THRB: variants seen among roughly 807,000 people sequenced by gnomAD.
THRB encodes nuclear receptor subfamily 1 group A member 2.
A neutral mutation model predicts 47.8 loss-of-function variants in THRB; 12 were observed. That is an observed-to-expected ratio of 0.25 (90% confidence interval 0.16 to 0.41). THRB has a LOEUF of 0.41. Ranked by LOEUF, THRB falls within the 10% of genes least tolerant of loss-of-function variation. The probability of loss-of-function intolerance (pLI) is 1.00; values close to 1 mark genes in which losing one functional copy is unlikely to be tolerated. For synonymous variants in THRB, 218 were observed against 212.2 expected (o/e 1.03, Z -0.24); for missense variants, 348 against 589.2 (o/e 0.59, Z 4.24).
intron 1 of THRB, among the ~76,000 whole-genome samples, chr3:24,379,425 G>C (rs1265214130): frequency 6.6e-6 from 1 of 152,088 alleles, no homozygotes; most frequent in Non-Finnish European, 1.5e-5. Context: ...CATGGAAAAG[G>C]ACCCATGTCT....
intron 5 of THRB, among the ~76,000 whole-genome samples, chr3:24,155,154 T>A (rs767856202): frequency 6.6e-6 from 1 of 152,236 alleles, no homozygotes; most frequent in Admixed American, 6.5e-5. Context: ...TGTTTAAGGT[T>A]CTTGTGGAAT....
In THRB at chr3:24,229,003, T is replaced by C; in HGVS notation, c.-42-2A>G. On this transcript the variant is annotated splice_acceptor_variant, in intron 3 of 10. Transcript: ENST00000646209. LOFTEE classifies it low-confidence loss of function (5UTR_SPLICE). The stretch of plus-strand genomic sequence containing the variant: ...GATCCCTTTTTTCACTGACATCTCC[T>C]ACAAGGAAAAAATACAAAAAAAATC... 1 of 1,534,046 alleles carries C rather than the reference T, an allele frequency of 6.5e-7. No homozygotes were observed. Among genetic ancestry groups the C allele is most frequent in the Non-Finnish European group, 8.9e-7 (1 of 1,123,822 alleles).
chr3:24,404,654 G>A (rs2067680407), intron 1 of THRB, among the ~76,000 whole-genome samples: 1 of 151,498 alleles, frequency 6.6e-6, no homozygotes, highest in Admixed American at 6.6e-5. Flanking sequence ...GTTATTTATG[G>A]CAACATATAA....
chr3:24,129,323 G>A (rs1373786200), intron 9 of THRB, among the ~76,000 whole-genome samples: 2 of 152,064 alleles, frequency 1.3e-5, no homozygotes, highest in Non-Finnish European at 2.9e-5. Context: ...TATGTTGCTG[G>A]TTCACAGATC....
intron 4 of THRB, among the ~76,000 whole-genome samples, chr3:24,200,880 G>T (rs1351907850): frequency 6.6e-6 from 1 of 152,170 alleles, no homozygotes; most frequent in East Asian, 1.9e-4. Context: ...ATATTTTCAG[G>T]TCCACAGAAT....
chr3:24,214,274 A>G (rs2046344914), intron 4 of THRB, among the ~76,000 whole-genome samples: 1 of 152,182 alleles, frequency 6.6e-6, no homozygotes, highest in African/African-American at 2.4e-5. Context: ...AGCTGGAGTC[A>G]AGATGGTATG....
At chr3:24,404,805 C>A (rs536050185) in intron 1 of THRB, among the ~76,000 whole-genome samples, 1 of 151,752 alleles carries the variant, frequency 6.6e-6, no homozygotes, top group African/African-American at 2.4e-5. Flanking sequence ...AGAATAAGAT[C>A]AAATAATTTG....
Position 24,190,124 on chromosome 3 carries a change from T to C in THRB, c.233A>G (p.Gln78Arg), listed in dbSNP as rs1295591047. The change falls in exon 5 of 11, where the codon CAG becomes CGG. Residue 78 changes from glutamine to arginine, a missense_variant. Transcript: ENST00000646209. The stretch of plus-strand genomic sequence containing the variant: ...GAAGGTCTGGGCACTTGAGACACTC[T>C]GGTCGTTCACATCATCATGGTCCAG... ...FHLDHDDVND[Q>R]SVSSAQTFQT... The C allele has an allele frequency of 6.2e-7, 1 of 1,614,000 alleles. No individual in the cohort carries two copies. The highest frequency in any genetic ancestry group is 1.3e-5 in the African/African-American group (1 of 74,918).
chr3:24,308,808 C>T (rs79864147), intron 2 of THRB, among the ~76,000 whole-genome samples: 2,046 of 152,224 alleles, frequency 0.013, 40 homozygotes, highest in African/African-American at 0.045. Flanking sequence ...TTTTCTAGGT[C>T]TTTGAAGTGA....
Position 24,124,459 on chromosome 3 carries a change from T to G in THRB, c.1145-1334A>C, listed in dbSNP as rs72619911. On this transcript the variant is annotated intron_variant, in intron 10 of 10. Transcript: ENST00000646209. ...CAACATATTATTGCTTTGGATGTGT[T>G]CTTTCAAAGGGAAAAATATAATGTG... 3.8e-3 allele frequency among the ~76,000 whole-genome samples: 578 copies of G among 152,304 alleles called. 11 individuals carry two copies. The East Asian group carries it at 0.052, about 14-fold the overall frequency.
At position 24,121,794 on chromosome 3, in the gene THRB, A is replaced by G. The variant is rs2031732544; in HGVS notation, c.*1090T>C. The G allele has an allele frequency of 6.6e-6, 1 of 152,338 alleles. No homozygotes were observed. Among genetic ancestry groups the G allele is most frequent in the Admixed American group, 6.5e-5 (1 of 15,280 alleles). 9.4% of individuals were successfully genotyped at this position (152,338 alleles called of 1,614,324 possible). A position where few individuals can be genotyped will look rare whatever the true frequency, so the allele number is the denominator to read the frequency against. ...GGAGCTTGAGGATCTAACCAGGAGG[A>G]AGCGTCCTCCAGCCATCAGGACACA... On this transcript the variant is annotated 3_prime_UTR_variant, in exon 11 of 11. Transcript: ENST00000646209.
chr3:24,432,519 A>C (rs1211137791), intron 1 of THRB, among the ~76,000 whole-genome samples: 1 of 152,142 alleles, frequency 6.6e-6, no homozygotes, highest in South Asian at 2.1e-4. Context: ...CAATTCTTGG[A>C]AATATATTTT....
intron 2 of THRB, among the ~76,000 whole-genome samples, chr3:24,326,649 C>A (rs541426459): frequency 2.6e-5 from 4 of 151,872 alleles, no homozygotes; most frequent in African/African-American, 9.7e-5. Context: ...CGTGTTTTCC[C>A]AAAGGGAGCT....
At chr3:24,329,717 T>C (rs1408592832) in intron 2 of THRB, among the ~76,000 whole-genome samples, 1 of 152,206 alleles carries the variant, frequency 6.6e-6, no homozygotes, top group Non-Finnish European at 1.5e-5. Flanking sequence ...ATAGACACAT[T>C]TATATAACAG....
chr3:24,197,138 C>A (rs1460903201), intron 4 of THRB, among the ~76,000 whole-genome samples: 3 of 152,200 alleles, frequency 2.0e-5, no homozygotes, highest in African/African-American at 7.2e-5. Context: ...GGCACATAAT[C>A]CAGTAACTTT....
At chr3:24,389,989 G>A (rs1328089381) in intron 1 of THRB, among the ~76,000 whole-genome samples, 2 of 152,138 alleles carry the variant, frequency 1.3e-5, no homozygotes, top group Non-Finnish European at 2.9e-5. Context: ...TCGTAGGTGT[G>A]ACAGAGGGGA....
chr3:24,451,880 G>T (rs952025490), intron 1 of THRB, among the ~76,000 whole-genome samples: 1 of 152,210 alleles, frequency 6.6e-6, no homozygotes, highest in African/African-American at 2.4e-5. Flanking sequence ...TTACTGACGT[G>T]GGGTGAACTA....
intron 2 of THRB, among the ~76,000 whole-genome samples, chr3:24,314,088 G>A (rs985240535): frequency 2.6e-5 from 4 of 152,272 alleles, no homozygotes; most frequent in South Asian, 2.1e-4. Context: ...TGAGATAGGC[G>A]TTTTATACAC....
chr3:24,374,388 A>G (rs2065134778), intron 1 of THRB, among the ~76,000 whole-genome samples: 1 of 152,116 alleles, frequency 6.6e-6, no homozygotes, highest in Non-Finnish European at 1.5e-5. Flanking sequence ...TATATTGTCT[A>G]TTACTGTTAT....
Sources: gnomAD v4.1 joint callset for allele counts (sites outside exome capture counted in the v4.1 genomes callset) on GRCh38, gnomAD v4.1.1 for gene constraint, MANE v1.5 for transcripts, NCBI Gene and HGNC (gene_info 2026-07-23, HGNC 2026-07-21) for gene names.